Variants in TMPRSS11D observed in about 807,000 individuals in gnomAD.
TMPRSS11D encodes transmembrane protease serine 11D.
TMPRSS11D carries 32 observed loss-of-function variants against 44.4 expected under a neutral mutation model. That is an observed-to-expected ratio of 0.72 (90% CI 0.54 to 0.97). The LOEUF (loss-of-function observed/expected upper bound fraction) is 0.97, where lower values mean the gene tolerates loss of function less well. TMPRSS11D is among the 50% of genes least tolerant of loss of function. The pLI is 0.00. For synonymous variants in TMPRSS11D, 179 were observed against 177.9 expected (o/e 1.01, Z -0.05); for missense variants, 446 against 502.6 (o/e 0.89, Z 1.08).
intron 1 of TMPRSS11D, among the ~76,000 whole-genome samples, chr4:67,882,576 A>G (rs757654806): frequency 6.6e-6 from 1 of 152,150 alleles, no homozygotes. Flanking sequence ...ATTATTTTCC[A>G]TTGAATGATG....
rs1355762470 is a variant in TMPRSS11D at position 67,835,127 on chromosome 4, A to G, written c.476-6T>C. 2 of 1,610,220 alleles carry G rather than the reference A, an allele frequency of 1.2e-6. No individual in the cohort carries two copies. Among genetic ancestry groups the G allele is most frequent in the Non-Finnish European group, 1.7e-6 (2 of 1,176,942 alleles). ...TGCAGCCTGGTCAGTAAGTGCTAGT[A>G]TTAAAAAATGAGAATAAGATAAATA... On this transcript the variant is annotated splice_region_variant and splice_polypyrimidine_tract_variant and intron_variant, in intron 5 of 9. Transcript: ENST00000283916.
intron 3 of TMPRSS11D, among the ~76,000 whole-genome samples, chr4:67,846,522 C>T (rs1299926828): frequency 2.0e-5 from 3 of 152,080 alleles, no homozygotes; most frequent in Admixed American, 6.5e-5. Context: ...AATTACCTGG[C>T]CCCATGTGCA....
intron 1 of TMPRSS11D, among the ~76,000 whole-genome samples, chr4:67,880,114 G>A (rs1719286202): frequency 6.6e-6 from 1 of 152,268 alleles, no homozygotes; most frequent in East Asian, 1.9e-4. Context: ...AAGAAATTAA[G>A]ATACCATGCC....
rs1374330358 is a variant in TMPRSS11D at position 67,822,343 on chromosome 4, C to A, written c.1251G>T (p.Gly417=). 2 of 1,613,676 alleles carry A rather than the reference C, an allele frequency of 1.2e-6. No individual in the cohort carries two copies. The highest frequency in any genetic ancestry group is 4.5e-5 in the East Asian group (2 of 44,876). ...AYLDWIRQQT[G]I ...CAGGGATGCACTTGTTGCACTAGAT[C>A]CCAGTTTGTTGCCTAATCCAGTCAA... The change falls in exon 10 of 10, where the codon GGG becomes GGT. Residue 417 remains glycine, a synonymous_variant. Coordinates refer to ENST00000283916, the MANE Select transcript of TMPRSS11D (RefSeq NM_004262.3).
chr4:67,877,314 T>G (rs7670723), intron 1 of TMPRSS11D, among the ~76,000 whole-genome samples: 6,078 of 152,234 alleles, frequency 0.04, 131 homozygotes, highest in Admixed American at 0.05. Flanking sequence ...AATTTTTGTG[T>G]GCGTAAGAAT....
At chr4:67,831,475 C>T (rs1212708658) in intron 7 of TMPRSS11D, among the ~76,000 whole-genome samples, 3 of 151,948 alleles carry the variant, frequency 2.0e-5, no homozygotes, top group African/African-American at 7.2e-5. Flanking sequence ...CTTTGGTAAT[C>T]GTTGTCGATA....
At chr4:67,881,118 T>G (rs1372826813) in intron 1 of TMPRSS11D, among the ~76,000 whole-genome samples, 1 of 152,206 alleles carries the variant, frequency 6.6e-6, no homozygotes, top group South Asian at 2.1e-4. Flanking sequence ...AAGAATGGGA[T>G]CCTTCAAATG....
chr4:67,826,578 T>C (rs748804968), intron 8 of TMPRSS11D, among the ~76,000 whole-genome samples: 2 of 152,066 alleles, frequency 1.3e-5, no homozygotes, highest in African/African-American at 2.4e-5. Context: ...TATATACACA[T>C]CGAGTTTTTG....
intron 3 of TMPRSS11D, among the ~76,000 whole-genome samples, chr4:67,847,541 T>C (rs997769219): frequency 3.9e-5 from 6 of 152,210 alleles, no homozygotes; most frequent in Non-Finnish European, 7.3e-5. Flanking sequence ...TGCTCATCAC[T>C]GAAATCTGCT....
At chr4:67,862,375 T>C (rs900636139) in intron 1 of TMPRSS11D, among the ~76,000 whole-genome samples, 1 of 152,140 alleles carries the variant, frequency 6.6e-6, no homozygotes, top group African/African-American at 2.4e-5. Context: ...TAAAGACACA[T>C]GAACTTCCGC....
chr4:67,838,302 A>T lies in TMPRSS11D; in HGVS notation c.345T>A (p.Asp115Glu). The change falls in exon 5 of 10, where the codon GAT (aspartate) becomes GAA (glutamate). Residue 115 changes from aspartate to glutamate, a missense_variant. By Grantham distance (45) the Asp-to-Glu change is conservative. Coordinates refer to ENST00000283916, the MANE Select transcript of TMPRSS11D (RefSeq NM_004262.3). ...LRQDGSGVRA[D>E]VVMKFQFTRN... is the part of the protein sequence containing the mutation. ...TAGTGAATTGAAATTTCATGACAAC[A>T]TCCGCTCTCACACCACTACCATCTT... The T allele has an allele frequency of 6.3e-7, 1 of 1,593,796 alleles. No homozygotes were observed.
chr4:67,829,869 T>C (rs1044604606), intron 7 of TMPRSS11D, among the ~76,000 whole-genome samples: 5 of 152,002 alleles, frequency 3.3e-5, no homozygotes, highest in African/African-American at 1.2e-4. Context: ...ATACTAAATG[T>C]TGATGTGGAG....
chr4:67,859,487 A>C (rs761557880), intron 2 of TMPRSS11D, 70 bp downstream of exon 2: 57 of 1,529,932 alleles, frequency 3.7e-5, no homozygotes, highest in Non-Finnish European at 4.9e-5. Context: ...AAAAGAAAGA[A>C]TGCCAGACTT....
At chr4:67,848,966 G>GA (rs1416216514) in intron 3 of TMPRSS11D, among the ~76,000 whole-genome samples, 1 of 152,238 alleles carries the variant, frequency 6.6e-6, no homozygotes, top group South Asian at 2.1e-4. Flanking sequence ...CAGTTTTGGA[G>GA]AAAAAATAAT....
At chr4:67,828,402 A>G (rs1446432911) in intron 7 of TMPRSS11D, among the ~76,000 whole-genome samples, 3 of 152,148 alleles carry the variant, frequency 2.0e-5, no homozygotes, top group Non-Finnish European at 1.5e-5. Context: ...TTCAAGAAAG[A>G]AAGAGATGTT....
At position 67,875,472 on chromosome 4, in the gene TMPRSS11D, C is replaced by T. The variant is rs192968967; in HGVS notation, c.8+8454G>A. ...GCTAGCCCATGGATAGATCCTCCCACGACTCCTACACACTCTCAATCTTTG... is the reference window on the plus strand; with the variant it reads ...GCTAGCCCATGGATAGATCCTCCCATGACTCCTACACACTCTCAATCTTTG... On this transcript the variant is annotated intron_variant, in intron 1 of 9. Coordinates refer to ENST00000283916, the MANE Select transcript of TMPRSS11D (RefSeq NM_004262.3). 1.2e-4 allele frequency among the ~76,000 whole-genome samples: 18 copies of T among 152,306 alleles called. No individual in the cohort carries two copies. The East Asian group carries it at 2.9e-3, about 25-fold the overall frequency.
chr4:67,838,470 G>T, intron 4 of TMPRSS11D, 141 bp from the exon 5 acceptor site: 2 of 725,542 alleles, frequency 2.8e-6, no homozygotes, highest in Non-Finnish European at 4.1e-6. Flanking sequence ...AACAGTGTTT[G>T]CATACGTAAT....
At chr4:67,877,559 G>A (rs1719221114) in intron 1 of TMPRSS11D, among the ~76,000 whole-genome samples, 1 of 152,138 alleles carries the variant, frequency 6.6e-6, no homozygotes, top group African/African-American at 2.4e-5. Flanking sequence ...TTAGAATTCA[G>A]CATTTGCAAA....
Position 67,861,071 on chromosome 4 carries a change from A to C in TMPRSS11D, c.9-1393T>G, listed in dbSNP as rs532031119. Reference sequence around the variant, plus strand: ...AAATTGACCATGTTCAAGCATGATCACTTTTAAAAAGAGCATTTAAGTATA... The same window carrying C: ...AAATTGACCATGTTCAAGCATGATCCCTTTTAAAAAGAGCATTTAAGTATA... On this transcript the variant is annotated intron_variant, in intron 1 of 9. Coordinates refer to ENST00000283916, the MANE Select transcript of TMPRSS11D (RefSeq NM_004262.3). 3.4e-3 allele frequency among the ~76,000 whole-genome samples: 506 copies of C among 149,612 alleles called. 2 individuals are homozygous for C. The highest frequency in any genetic ancestry group is 0.012 in the African/African-American group (474 of 40,758).
Sources: gnomAD v4.1 joint callset for allele counts (sites outside exome capture counted in the v4.1 genomes callset) on GRCh38, gnomAD v4.1.1 for gene constraint, MANE v1.5 for transcripts, NCBI Gene and HGNC (gene_info 2026-07-23, HGNC 2026-07-21) for gene names.